Variants in SDK1 observed in about 807,000 individuals in gnomAD.
The protein encoded by SDK1 is protein sidekick-1.
In SDK1, 157 loss-of-function variants were observed where a neutral mutation model predicts 245.5. That is an observed-to-expected ratio of 0.64 (90% CI 0.56 to 0.73). The LOEUF (loss-of-function observed/expected upper bound fraction) is 0.73. Ranked by LOEUF, SDK1 falls within the 30% of genes least tolerant of loss-of-function variation. The pLI is 0.00. For missense variants in SDK1, 3,583 were observed against 3,002.3 expected, an observed-to-expected ratio of 1.19 and a Z score of -4.52; for synonymous variants, 1,647 against 1,278.5, an observed-to-expected ratio of 1.29 and a Z score of -6.15.
At chr7:4,190,870 T>A (rs1783160720) in intron 35 of SDK1, among the ~76,000 whole-genome samples, 1 of 152,200 alleles carries the variant, frequency 6.6e-6, no homozygotes, top group African/African-American at 2.4e-5. Flanking sequence ...GAGGATGGGC[T>A]TGACACCAGC....
chr7:4,059,881 CT>C (rs538796519), intron 19 of SDK1, among the ~76,000 whole-genome samples: 7,532 of 139,760 alleles, frequency 0.054, 282 homozygotes, highest in African/African-American at 0.11. Context: ...TTAAAAATTT[CT>C]TTTTTTTTTT....
intron 21 of SDK1, among the ~76,000 whole-genome samples, chr7:4,078,877 C>T (rs1311894451): frequency 6.6e-6 from 1 of 152,136 alleles, no homozygotes; most frequent in Non-Finnish European, 1.5e-5. Flanking sequence ...AAGGAGAGTT[C>T]TGCACTTGCA....
intron 4 of SDK1, among the ~76,000 whole-genome samples, chr7:3,792,769 C>G (rs1253277759): frequency 6.6e-6 from 1 of 151,986 alleles, no homozygotes; most frequent in Non-Finnish European, 1.5e-5. Flanking sequence ...CCTCCAGTCT[C>G]CCATCCACCC....
chr7:3,619,602 A>G (rs1483510881), intron 2 of SDK1, among the ~76,000 whole-genome samples: 1 of 152,190 alleles, frequency 6.6e-6, no homozygotes, highest in Admixed American at 6.5e-5. Context: ...AAATGTTTAA[A>G]CAGATCTTTA....
intron 20 of SDK1, among the ~76,000 whole-genome samples, chr7:4,076,042 G>A (rs1019789986): frequency 2.6e-5 from 4 of 152,160 alleles, no homozygotes; most frequent in South Asian, 2.1e-4. Flanking sequence ...AGAGAGTATA[G>A]GGGGAAATCA....
At chr7:4,109,190 G>T (rs1294275219) in intron 22 of SDK1, among the ~76,000 whole-genome samples, 1 of 152,212 alleles carries the variant, frequency 6.6e-6, no homozygotes. Flanking sequence ...GCTGGGGGCG[G>T]AGTTGCTGGC....
intron 14 of SDK1, among the ~76,000 whole-genome samples, chr7:4,007,644 G>A (rs1404641279): frequency 2.0e-5 from 3 of 151,804 alleles, no homozygotes; most frequent in East Asian, 1.9e-4. Flanking sequence ...TTGCTCTGTC[G>A]CCCAGGCTGG....
At chr7:3,505,832 A>G (rs1331502123) in intron 1 of SDK1, among the ~76,000 whole-genome samples, 2 of 152,154 alleles carry the variant, frequency 1.3e-5, no homozygotes, top group Admixed American at 1.3e-4. Context: ...GTATGCTTGG[A>G]TTTAGTAGCC....
In SDK1 at chr7:3,549,742, A is replaced by C. The variant is rs565165152; in HGVS notation, c.299-69338A>C. Reference sequence around the variant, plus strand: ...GAACAAGAATGCTTGATCTTTCTATAAACAGCTTTATTAATGCACGTCAAG... The same window carrying C: ...GAACAAGAATGCTTGATCTTTCTATCAACAGCTTTATTAATGCACGTCAAG... On this transcript the variant is annotated intron_variant, in intron 1 of 44. Coordinates refer to ENST00000404826, the MANE Select transcript of SDK1 (RefSeq NM_152744.4). 6.6e-5 allele frequency among the ~76,000 whole-genome samples: 10 copies of C among 152,304 alleles called. No individual in the cohort carries two copies. The South Asian group carries it at 2.1e-3, about 32-fold the overall frequency.
intron 2 of SDK1, among the ~76,000 whole-genome samples, chr7:3,635,920 G>T (rs922187076): frequency 6.6e-6 from 1 of 152,080 alleles, no homozygotes; most frequent in Non-Finnish European, 1.5e-5. Context: ...TGCCCAGGCT[G>T]GTTCCTTTTC....
intron 1 of SDK1, among the ~76,000 whole-genome samples, chr7:3,501,086 G>A (rs1488922739): frequency 6.6e-6 from 1 of 152,046 alleles, no homozygotes; most frequent in Non-Finnish European, 1.5e-5. Context: ...CATTGTATAT[G>A]TGCTTATAAT....
intron 35 of SDK1, among the ~76,000 whole-genome samples, chr7:4,203,354 A>C (rs1395346747): frequency 6.6e-6 from 1 of 152,142 alleles, no homozygotes; most frequent in African/African-American, 2.4e-5. Context: ...CCATCACACC[A>C]AGGACCTGAG....
intron 19 of SDK1, among the ~76,000 whole-genome samples, chr7:4,059,575 G>A (rs559831892): frequency 4.6e-5 from 7 of 152,278 alleles, no homozygotes; most frequent in East Asian, 3.9e-4. Context: ...TTTAAACTGC[G>A]CTTTAGACTA....
intron 1 of SDK1, among the ~76,000 whole-genome samples, chr7:3,418,738 T>C (rs995126956): frequency 6.6e-6 from 1 of 152,190 alleles, no homozygotes; most frequent in South Asian, 2.1e-4. Flanking sequence ...GTCCAGGATG[T>C]TCTACTTTTG....
chr7:3,904,974 C>A (rs1445088577), intron 5 of SDK1, among the ~76,000 whole-genome samples: 1 of 143,768 alleles, frequency 7.0e-6, no homozygotes, highest in African/African-American at 2.6e-5. Context: ...GCCTGGGTGA[C>A]AGAGCGAGAC....
At chr7:3,685,566 T>G (rs533797386) in intron 4 of SDK1, among the ~76,000 whole-genome samples, 1 of 152,326 alleles carries the variant, frequency 6.6e-6, no homozygotes, top group South Asian at 2.1e-4. Flanking sequence ...ACAATCAAAC[T>G]TCTGTTGAGG....
chr7:3,654,780 C>G (rs749613087), intron 4 of SDK1, among the ~76,000 whole-genome samples: 1 of 152,152 alleles, frequency 6.6e-6, no homozygotes, highest in Non-Finnish European at 1.5e-5. Context: ...CATGTAGTAT[C>G]TAACTTAAAT....
chr7:3,848,735 GAT>G (rs1004021284), intron 5 of SDK1, among the ~76,000 whole-genome samples: 10 of 151,596 alleles, frequency 6.6e-5, no homozygotes, highest in Admixed American at 2.0e-4. Flanking sequence ...GCAGTGGCGC[GAT>G]CACGGCTCAC....
intron 25 of SDK1, among the ~76,000 whole-genome samples, chr7:4,125,065 GTGGATGGA>G (rs758297818): frequency 2.0e-5 from 3 of 149,516 alleles, no homozygotes; most frequent in Non-Finnish European, 4.5e-5. Context: ...TGGGTAATGG[GTGGATGGA>G]TGGATGGATG....
Sources: allele counts gnomAD v4.1 joint callset (sites outside exome capture counted in the v4.1 genomes callset), GRCh38; gene constraint gnomAD v4.1.1; transcripts MANE v1.5; gene names NCBI Gene and HGNC (gene_info 2026-07-23, HGNC 2026-07-21).